IMMP2L: variants seen among roughly 807,000 people sequenced by gnomAD.
The protein encoded by IMMP2L is inner mitochondrial membrane peptidase subunit 2.
A neutral mutation model predicts 19.3 loss-of-function variants in IMMP2L; 18 were observed. That is an observed-to-expected ratio of 0.93 (90% CI 0.64 to 1.38). IMMP2L has a LOEUF of 1.38. Ranked by LOEUF, IMMP2L falls within the 40% of genes most tolerant of loss-of-function variation. The pLI is 0.00. For synonymous variants in IMMP2L, 76 were observed against 73.0 expected, an observed-to-expected ratio of 1.04 and a Z score of -0.21; for missense variants, 233 against 218.2, an observed-to-expected ratio of 1.07 and a Z score of -0.43.
At chr7:111,022,523 T>G (rs1414304417) in intron 3 of IMMP2L, among the ~76,000 whole-genome samples, 1 of 152,080 alleles carries the variant, frequency 6.6e-6, no homozygotes, top group Non-Finnish European at 1.5e-5. Context: ...GAAACTCTAC[T>G]CCTCCTCAGA....
intron 3 of IMMP2L, among the ~76,000 whole-genome samples, chr7:111,033,887 A>C (rs1439584263): frequency 6.6e-6 from 1 of 152,308 alleles, no homozygotes; most frequent in Middle Eastern, 3.4e-3. Flanking sequence ...ATAAATAAAT[A>C]GTGGTAATAT....
At chr7:110,913,179 C>T (rs1813240578) in intron 4 of IMMP2L, among the ~76,000 whole-genome samples, 1 of 152,088 alleles carries the variant, frequency 6.6e-6, no homozygotes, top group Non-Finnish European at 1.5e-5. Context: ...CCCCCTTCTA[C>T]CCAGGAAGGT....
At chr7:111,423,563 C>T (rs908811973) in intron 3 of IMMP2L, among the ~76,000 whole-genome samples, 6 of 151,718 alleles carry the variant, frequency 4.0e-5, no homozygotes, top group Admixed American at 3.9e-4. Flanking sequence ...GTGGTTATAC[C>T]CCCTTTATCA....
At position 111,404,617 on chromosome 7, in the gene IMMP2L, T is replaced by C. The variant is rs542177083; in HGVS notation, c.239+82621A>G. 3.3e-5 allele frequency among the ~76,000 whole-genome samples: 5 copies of C among 152,234 alleles called. No homozygotes were observed. The South Asian group carries it at 8.3e-4, about 25-fold the overall frequency. On this transcript the variant is annotated intron_variant, in intron 3 of 5. Transcript: ENST00000405709. ...AGGTAGAAAGAAAGTCTATAAACTA[T>C]ACTTTTTATCCATTTGAAAAAATTT...
At chr7:111,200,333 T>G (rs910002078) in intron 3 of IMMP2L, among the ~76,000 whole-genome samples, 1 of 152,118 alleles carries the variant, frequency 6.6e-6, no homozygotes, top group Non-Finnish European at 1.5e-5. Flanking sequence ...TAATACTGTT[T>G]AATTTAACTT....
chr7:111,520,131 A>G (rs1259828964), intron 2 of IMMP2L, among the ~76,000 whole-genome samples: 1 of 152,172 alleles, frequency 6.6e-6, no homozygotes, highest in African/African-American at 2.4e-5. Context: ...TAAACATATT[A>G]AAGTGTATTT....
At chr7:110,681,914 CA>C (rs1298882630) in intron 5 of IMMP2L, among the ~76,000 whole-genome samples, 2 of 151,918 alleles carry the variant, frequency 1.3e-5, no homozygotes, top group African/African-American at 4.8e-5. Flanking sequence ...AAAAAAATGG[CA>C]AGAGAGTGGT....
chr7:111,070,247 T>G (rs1026886612), intron 3 of IMMP2L, among the ~76,000 whole-genome samples: 5 of 152,172 alleles, frequency 3.3e-5, no homozygotes, highest in Admixed American at 3.3e-4. Context: ...TACAAAGGGT[T>G]GCAGGCTTCA....
intron 5 of IMMP2L, among the ~76,000 whole-genome samples, chr7:110,725,992 C>T (rs978243568): frequency 6.6e-6 from 1 of 152,168 alleles, no homozygotes; most frequent in Admixed American, 6.5e-5. Flanking sequence ...TACTCCCATT[C>T]TACAGATAAG....
At chr7:110,918,777 T>C (rs1388258351) in intron 4 of IMMP2L, among the ~76,000 whole-genome samples, 1 of 152,182 alleles carries the variant, frequency 6.6e-6, no homozygotes, top group Non-Finnish European at 1.5e-5. Flanking sequence ...TTCATTGTTA[T>C]ATTACTCTTC....
intron 3 of IMMP2L, among the ~76,000 whole-genome samples, chr7:111,000,208 C>T (rs540438665): frequency 1.8e-4 from 28 of 152,270 alleles, no homozygotes; most frequent in African/African-American, 6.0e-4. Flanking sequence ...CTTACTCATA[C>T]CTCTATGGAC....
chr7:111,524,930 T>C (rs1846697578), intron 1 of IMMP2L, among the ~76,000 whole-genome samples: 1 of 152,118 alleles, frequency 6.6e-6, no homozygotes, highest in Non-Finnish European at 1.5e-5. Context: ...ACTACCTGGC[T>C]CATTCATTCT....
intron 3 of IMMP2L, among the ~76,000 whole-genome samples, chr7:110,998,819 T>C (rs2129560819): frequency 6.6e-6 from 1 of 152,212 alleles, no homozygotes; most frequent in South Asian, 2.1e-4. Context: ...GTGAAAGCAG[T>C]TGTACAGCCC....
At chr7:111,270,513 C>T (rs925067116) in intron 3 of IMMP2L, among the ~76,000 whole-genome samples, 43 of 152,032 alleles carry the variant, frequency 2.8e-4, no homozygotes, top group South Asian at 2.1e-4. Context: ...ATATATTTAT[C>T]AGAGTTCACT....
chr7:111,077,229 G>A (rs542168573), intron 3 of IMMP2L, among the ~76,000 whole-genome samples: 56 of 152,292 alleles, frequency 3.7e-4, no homozygotes, highest in African/African-American at 1.3e-3. Flanking sequence ...AAATGACTAG[G>A]GCTGATGAGG....
At chr7:111,323,809 C>T (rs1390624114) in intron 3 of IMMP2L, among the ~76,000 whole-genome samples, 3 of 152,016 alleles carry the variant, frequency 2.0e-5, no homozygotes, top group Non-Finnish European at 4.4e-5. Context: ...TACTATGCAG[C>T]CATAAAAAAT....
intron 3 of IMMP2L, among the ~76,000 whole-genome samples, chr7:111,222,340 TAGA>T (rs1204530399): frequency 1.3e-5 from 2 of 151,700 alleles, no homozygotes; most frequent in Non-Finnish European, 2.9e-5. Context: ...CTCTGCCACA[TAGA>T]AATTAAAATT....
At chr7:111,111,775 T>G (rs546472404) in intron 3 of IMMP2L, among the ~76,000 whole-genome samples, 36 of 151,990 alleles carry the variant, frequency 2.4e-4, no homozygotes, top group African/African-American at 8.7e-4. Context: ...AAAGAGTTAT[T>G]GTGAGGCTTC....
At chr7:111,526,768 C>T (rs753894838) in intron 1 of IMMP2L, among the ~76,000 whole-genome samples, 13 of 152,108 alleles carry the variant, frequency 8.5e-5, no homozygotes, top group Non-Finnish European at 1.5e-4. Flanking sequence ...TTAAGAGGCA[C>T]AGAATGGAAA....
Sources: gnomAD v4.1 joint callset for allele counts (sites outside exome capture counted in the v4.1 genomes callset) on GRCh38, gnomAD v4.1.1 for gene constraint, MANE v1.5 for transcripts, NCBI Gene and HGNC (gene_info 2026-07-23, HGNC 2026-07-21) for gene names.